Variants in CEACAM6 observed in about 807,000 individuals in gnomAD.
CEACAM6 encodes CEA cell adhesion molecule 6.
In CEACAM6, 21 loss-of-function variants were observed where a neutral mutation model predicts 32.4. The ratio of observed to expected loss-of-function variants is 0.65; its 90% CI spans 0.46 to 0.93. The LOEUF is 0.93. CEACAM6 is among the 40% of genes least tolerant of loss of function. The probability of loss-of-function intolerance (pLI) is 0.00; values close to 1 mark genes in which losing one functional copy is unlikely to be tolerated. For missense variants in CEACAM6, 406 were observed against 432.2 expected (o/e 0.94, Z 0.54); for synonymous variants, 184 against 174.4 (o/e 1.06, Z -0.43).
intron 5 of CEACAM6, among the ~76,000 whole-genome samples, chr19:41,769,463 G>GAAAAT (rs1229703868): frequency 2.0e-5 from 3 of 152,138 alleles, no homozygotes; most frequent in African/African-American, 7.2e-5. Context: ...AGCAAGCAGA[G>GAAAAT]AATTCATTTC....
chr19:41,759,188 G>A (rs912611999), intron 2 of CEACAM6, among the ~76,000 whole-genome samples: 14 of 152,192 alleles, frequency 9.2e-5, no homozygotes, highest in African/African-American at 2.9e-4. Flanking sequence ...TGTCTGATGG[G>A]TTTGCTGCCC....
Position 41,771,189 on chromosome 19 carries a change from A to G in CEACAM6, c.*428A>G, listed in dbSNP as rs2072992245. 6.6e-6 allele frequency: 1 copy of G among 152,228 alleles called. No homozygotes were observed. The allele number at this position is 152,228 out of a possible 1,614,324, so 9.4% of individuals were successfully genotyped here. A position where few individuals can be genotyped will look rare whatever the true frequency, so the allele number is the denominator to read the frequency against. ...AAGTAGCTTCAGAGGGTAACTTAAC[A>G]GAGTGTCAGATCTATCTTGTCAATC... On this transcript the variant is annotated 3_prime_UTR_variant, in exon 6 of 6. Transcript: ENST00000199764.
In CEACAM6 at chr19:41,763,708, G is replaced by A. The variant is rs569123199; in HGVS notation, c.958+1485G>A. ...AGGACTTGGGTGGACTGAGGGGTGG[G>A]AGATGCCAACTCTGACTGAACGATG... On this transcript the variant is annotated intron_variant, in intron 4 of 5. Transcript: ENST00000199764. 5.3e-5 allele frequency among the ~76,000 whole-genome samples: 8 copies of A among 152,288 alleles called. No individual in the cohort carries two copies. The East Asian group carries it at 1.5e-3, about 29-fold the overall frequency.
intron 2 of CEACAM6, among the ~76,000 whole-genome samples, chr19:41,759,658 G>A (rs574315127): frequency 6.6e-6 from 1 of 152,124 alleles, no homozygotes; most frequent in Non-Finnish European, 1.5e-5. Flanking sequence ...CTAAACCTTA[G>A]TATGTTATCA....
chr19:41,768,091 T>G (rs1270772882), intron 5 of CEACAM6, among the ~76,000 whole-genome samples: 4 of 151,954 alleles, frequency 2.6e-5, no homozygotes, highest in Non-Finnish European at 5.9e-5. Flanking sequence ...TTATTTATTT[T>G]TATTTTTTTT....
intron 1 of CEACAM6, 23 bp from the exon 2 acceptor site, chr19:41,756,577 C>T (rs782300138): frequency 1.3e-5 from 21 of 1,604,880 alleles, no homozygotes; most frequent in African/African-American, 8.0e-5. Flanking sequence ...CAATATTGAC[C>T]GATGCTCTCT....
rs1555822384 is a variant in CEACAM6, at chr19:41,766,230, G to A, written c.1006G>A (p.Gly336Arg). Residue 336 changes from glycine (G) to arginine (R), a missense_variant, in exon 5 of 6, where the codon GGA (glycine) becomes AGA (arginine). Gly to Arg is a moderately radical substitution (Grantham distance 125, BLOSUM62 -2). Coordinates refer to ENST00000199764, the MANE Select transcript of CEACAM6 (RefSeq NM_002483.7). Reference sequence around the variant, plus strand: ...TGTGGCCACCGTCGGCATCACGATTGGAGTGCTGGCCAGGGTGGCTCTGAT... The same window carrying A: ...TGTGGCCACCGTCGGCATCACGATTAGAGTGCTGGCCAGGGTGGCTCTGAT... ...SAVATVGITI[G>R]VLARVALI is the part of the protein sequence containing the mutation. The A allele has an allele frequency of 6.2e-7, 1 of 1,606,502 alleles. No individual in the cohort carries two copies. The highest frequency in any genetic ancestry group is 8.5e-7 in the Non-Finnish European group (1 of 1,176,996).
In CEACAM6 at chr19:41,770,983, G is replaced by A. The variant is rs1555822932; in HGVS notation, c.*222G>A. 6.6e-6 allele frequency: 1 copy of A among 152,220 alleles called. No individual in the cohort carries two copies. Among genetic ancestry groups the A allele is most frequent in the Admixed American group, 6.6e-5 (1 of 15,262 alleles). The allele number at this position is 152,220 out of a possible 1,614,324, so 9.4% of individuals were successfully genotyped here. A position where few individuals can be genotyped will look rare whatever the true frequency, so the allele number is the denominator to read the frequency against. On this transcript the variant is annotated 3_prime_UTR_variant, in exon 6 of 6. Transcript: ENST00000199764. ...GCCACTCAGAGACTTCACCTAACTA[G>A]AGACAGTCAAACTGCAAACCATGGT... is the stretch of plus-strand genomic sequence containing the variant.
Position 41,762,206 on chromosome 19 carries a change from C to T in CEACAM6, c.941C>T (p.Thr314Met), listed in dbSNP as rs371496570. The change falls in exon 4 of 6, where the codon ACG becomes ATG. Residue 314 changes from threonine (T) to methionine (M), a missense_variant. Transcript: ENST00000199764. ...SATGLNRTTV[T>M]MITVSGSAPV... is the part of the protein sequence containing the mutation. ...ACTGGCCTCAATAGGACCACAGTCA[C>T]GATGATCACAGTCTCTGGTAAGTGG... 44 of 1,613,816 alleles carry T rather than the reference C, an allele frequency of 2.7e-5. No individual in the cohort carries two copies. The highest frequency in any genetic ancestry group is 7.7e-5 in the South Asian group (7 of 91,064).
rs528802947 is a variant in CEACAM6, at chr19:41,758,681, C to T, written c.424+1722C>T. Among the ~76,000 whole-genome samples the T allele has an allele frequency of 2.0e-5, 3 of 152,224 alleles. No individual in the cohort carries two copies. In the South Asian group the frequency reaches 6.2e-4, roughly 32 times the overall value. Reference sequence around the variant, plus strand: ...TCTGGCTCTTTCTGCTCCTCTCTGTCCCTCATTTTCCTCCCCTTTCATTCT... The same window carrying T: ...TCTGGCTCTTTCTGCTCCTCTCTGTTCCTCATTTTCCTCCCCTTTCATTCT... On this transcript the variant is annotated intron_variant, in intron 2 of 5. Transcript: ENST00000199764.
intron 4 of CEACAM6, among the ~76,000 whole-genome samples, chr19:41,764,176 G>T (rs369455439): frequency 3.9e-5 from 6 of 152,060 alleles, no homozygotes; most frequent in Non-Finnish European, 8.8e-5. Flanking sequence ...AGATTTTTTT[G>T]TGTGTTCCAG....
Position 41,755,566 on chromosome 19 carries a change from G to A in CEACAM6, c.-73G>A. On this transcript the variant is annotated 5_prime_UTR_variant, in exon 1 of 6. Transcript: ENST00000199764. Reference sequence around the variant, plus strand: ...AAGGACAGCAGGGCCAACAGTCACAGCAGCCCTGACCAGAGCATTCCTGGA... The same window carrying A: ...AAGGACAGCAGGGCCAACAGTCACAACAGCCCTGACCAGAGCATTCCTGGA... 1 of 1,426,972 alleles carries A rather than the reference G, an allele frequency of 7.0e-7. No individual in the cohort carries two copies. Among genetic ancestry groups the A allele is most frequent in the Non-Finnish European group, 9.9e-7 (1 of 1,012,314 alleles). 88.4% of individuals were successfully genotyped at this position (1,426,972 alleles called of 1,614,324 possible). A position where few individuals can be genotyped will look rare whatever the true frequency, so the allele number is the denominator to read the frequency against.
chr19:41,762,538 G>A (rs2072933025), intron 4 of CEACAM6, among the ~76,000 whole-genome samples: 2 of 152,188 alleles, frequency 1.3e-5, no homozygotes, highest in Admixed American at 6.5e-5. Context: ...AGGGTCCTCA[G>A]GGTCAAGTTC....
chr19:41,770,202 G>C (rs927309998), intron 5 of CEACAM6, among the ~76,000 whole-genome samples: 4 of 147,790 alleles, frequency 2.7e-5, no homozygotes, highest in African/African-American at 7.6e-5. Context: ...ATGAGATCAG[G>C]AGTTCAAGAC....
chr19:41,769,133 C>A (rs1448919613), intron 5 of CEACAM6, among the ~76,000 whole-genome samples: 1 of 151,894 alleles, frequency 6.6e-6, no homozygotes. Context: ...TTAGTAGAGA[C>A]GGGGTTTCTC....
chr19:41,767,490 A>G (rs1555822489), intron 5 of CEACAM6, among the ~76,000 whole-genome samples: 1 of 152,254 alleles, frequency 6.6e-6, no homozygotes, highest in East Asian at 1.9e-4. Flanking sequence ...CAAAGTAGAA[A>G]GGAGCGAATG....
intron 2 of CEACAM6, among the ~76,000 whole-genome samples, chr19:41,757,630 C>T (rs560263791): frequency 9.2e-5 from 14 of 152,188 alleles, no homozygotes; most frequent in African/African-American, 3.1e-4. Flanking sequence ...CAGGTTACTC[C>T]CTGGGAAGTT....
At chr19:41,761,195 G>A (rs2072920764) in intron 2 of CEACAM6, 54 bp from the exon 3 acceptor site, 1 of 1,612,660 alleles carries the variant, frequency 6.2e-7, no homozygotes, top group Admixed American at 1.7e-5. Flanking sequence ...AAAGATGCCT[G>A]TGGAGGAATC....
At chr19:41,768,795 A>T (rs1373279700) in intron 5 of CEACAM6, among the ~76,000 whole-genome samples, 5 of 152,004 alleles carry the variant, frequency 3.3e-5, no homozygotes, top group Admixed American at 1.3e-4. Context: ...ACTTCCCAGT[A>T]GGGGCGGCCG....
Sources: gnomAD v4.1 joint callset for allele counts (sites outside exome capture counted in the v4.1 genomes callset) on GRCh38, gnomAD v4.1.1 for gene constraint, MANE v1.5 for transcripts, NCBI Gene and HGNC (gene_info 2026-07-23, HGNC 2026-07-21) for gene names.